RP1: variants seen among roughly 807,000 people sequenced by gnomAD.
RP1 encodes RP1 axonemal microtubule associated.
Under a neutral mutation model 14.8 loss-of-function variants are expected in RP1, and 16 were observed. That is an observed-to-expected ratio of 1.08 (90% CI 0.73 to 1.65). The LOEUF is 1.65. Ranked by LOEUF, RP1 falls within the 40% of genes most tolerant of loss-of-function variation. The pLI is 0.00. For missense variants in RP1, 2,631 were observed against 2,535.0 expected (o/e 1.04, Z -0.81); for synonymous variants, 876 against 883.6 (o/e 0.99, Z 0.15).
At chr8:54,585,394 G>T (rs1439865009) in intron 1 of RP1, among the ~76,000 whole-genome samples, 1 of 152,142 alleles carries the variant, frequency 6.6e-6, no homozygotes, top group Non-Finnish European at 1.5e-5. Context: ...TTCCCTTTGT[G>T]GGTGACCCGA....
At chr8:54,649,263 C>A (rs1049589554) in intron 4 of RP1, 1 of 799,234 alleles carries the variant, frequency 1.3e-6, no homozygotes. Context: ...GAAGATCATT[C>A]AAAAATAATT....
At chr8:54,858,836 G>C (rs746435869) in intron 27 of RP1, among the ~76,000 whole-genome samples, 81 of 152,182 alleles carry the variant, frequency 5.3e-4, no homozygotes, top group Non-Finnish European at 1.1e-3. Flanking sequence ...GTAGAGCAGT[G>C]CTGCTGTAGA....
rs781249059 is a variant in RP1, at chr8:54,621,418, G to GC, written c.458dup (p.Arg154ThrfsTer75). The GC allele has an allele frequency of 1.9e-6, 3 of 1,612,976 alleles. No homozygotes were observed. Among genetic ancestry groups the GC allele is most frequent in the Admixed American group, 3.3e-5 (2 of 59,986 alleles). ...GCCGTCGCTGCTCCCGGCATGCCCC[G>GC]CCCCCCACGGAGCCTAGTGGTCTTC... On this transcript the variant is annotated frameshift_variant, in exon 2 of 4. Coordinates refer to ENST00000220676, the MANE Select transcript of RP1 (RefSeq NM_006269.2). LOFTEE classifies it high-confidence loss of function.
chr8:54,753,784 A>G (rs899214956), intron 19 of RP1, among the ~76,000 whole-genome samples: 2 of 152,148 alleles, frequency 1.3e-5, no homozygotes, highest in Non-Finnish European at 1.5e-5. Flanking sequence ...TTCTGTTTTA[A>G]AATAGTCTCT....
At chr8:54,748,059 T>C (rs1809271355) in intron 19 of RP1, among the ~76,000 whole-genome samples, 1 of 152,200 alleles carries the variant, frequency 6.6e-6, no homozygotes, top group South Asian at 2.1e-4. Flanking sequence ...GGGTCATAGG[T>C]TTTGGTGAAT....
chr8:54,721,405 G>A (rs1254274365), intron 16 of RP1, among the ~76,000 whole-genome samples: 3 of 152,224 alleles, frequency 2.0e-5, no homozygotes, highest in African/African-American at 7.2e-5. Flanking sequence ...TAGAAAAAGA[G>A]CAGTGGGAAA....
intron 24 of RP1, among the ~76,000 whole-genome samples, chr8:54,834,686 T>C (rs1277331568): frequency 1.3e-5 from 2 of 151,754 alleles, no homozygotes; most frequent in Non-Finnish European, 2.9e-5. Context: ...TTTTTTTTTT[T>C]CCTGTGGTGT....
intron 26 of RP1, among the ~76,000 whole-genome samples, chr8:54,853,087 T>G (rs113626261): frequency 0.013 from 1,945 of 152,068 alleles, 50 homozygotes; most frequent in African/African-American, 0.044. Flanking sequence ...TGGAGAGAAA[T>G]AAAGTGCAGA....
intron 22 of RP1, among the ~76,000 whole-genome samples, chr8:54,763,536 C>A (rs576616874): frequency 6.6e-6 from 1 of 152,024 alleles, no homozygotes; most frequent in African/African-American, 2.4e-5. Flanking sequence ...CAAAATTAGC[C>A]GGGCATGGTG....
At chr8:54,793,118 C>T (rs1038001038) in intron 24 of RP1, among the ~76,000 whole-genome samples, 1 of 151,582 alleles carries the variant, frequency 6.6e-6, no homozygotes, top group African/African-American at 2.4e-5. Context: ...AACATACAAC[C>T]TAAAAAGATT....
chr8:54,613,829 A>G (rs1427617142), upstream of RP1, among the ~76,000 whole-genome samples: 1 of 152,222 alleles, frequency 6.6e-6, no homozygotes, highest in Non-Finnish European at 1.5e-5. Flanking sequence ...AATCAAAACT[A>G]CAGAGTAAGA....
chr8:54,697,133 G>A, intron 12 of RP1: 2 of 1,184,492 alleles, frequency 1.7e-6, no homozygotes, highest in Non-Finnish European at 2.5e-6. Context: ...CTAGACCTAG[G>A]TGCCGAACAG....
rs1806109030 is a variant in RP1, at chr8:54,627,678, A to C, written c.3796A>C (p.Lys1266Gln). 6.2e-7 allele frequency: 1 copy of C among 1,614,178 alleles called. No homozygotes were observed. The highest frequency in any genetic ancestry group is 8.5e-7 in the Non-Finnish European group (1 of 1,179,986). ...TCCATGTGAGATGTGCACTGTAAAT[A>C]AGGCTTATTCTCCAAAAGAGACATG... ...CSPCEMCTVN[K>Q]AYSPKETCNP... Residue 1266 changes from lysine to glutamine, a missense_variant, in exon 4 of 4, where the codon AAG becomes CAG. Coordinates refer to ENST00000220676, the MANE Select transcript of RP1 (RefSeq NM_006269.2).
At chr8:54,679,465 G>A in exon 10 of RP1, 1 of 1,535,940 alleles carries the variant, frequency 6.5e-7, no homozygotes, top group Non-Finnish European at 8.7e-7. Flanking sequence ...TCAGAGAACT[G>A]TATGCCAGGG....
At chr8:54,765,753 A>T (rs1320273859) in intron 22 of RP1, among the ~76,000 whole-genome samples, 1 of 152,162 alleles carries the variant, frequency 6.6e-6, no homozygotes, top group Non-Finnish European at 1.5e-5. Flanking sequence ...CATGCCATGA[A>T]GCTTTCTCTG....
chr8:54,772,453 C>T (rs2129375672), downstream of RP1, among the ~76,000 whole-genome samples: 1 of 152,222 alleles, frequency 6.6e-6, no homozygotes, highest in Middle Eastern at 3.4e-3. Context: ...TGAATAACGA[C>T]ACCTTTTATT....
chr8:54,703,387 A>G (rs1808072981), intron 14 of RP1, among the ~76,000 whole-genome samples: 1 of 152,166 alleles, frequency 6.6e-6, no homozygotes, highest in African/African-American at 2.4e-5. Context: ...GTACATTGTC[A>G]ATGAATAGTT....
At chr8:54,857,728 C>T (rs951853097) in intron 27 of RP1, among the ~76,000 whole-genome samples, 2 of 152,048 alleles carry the variant, frequency 1.3e-5, no homozygotes, top group Non-Finnish European at 2.9e-5. Context: ...CCCTGTGTTT[C>T]CCTGGGTCCC....
At chr8:54,619,670 G>C (rs1313199297) in intron 1 of RP1, among the ~76,000 whole-genome samples, 1 of 152,170 alleles carries the variant, frequency 6.6e-6, no homozygotes, top group African/African-American at 2.4e-5. Context: ...CTACTAGTGG[G>C]ACCAGTAACC....
Sources: gnomAD v4.1 joint callset for allele counts (sites outside exome capture counted in the v4.1 genomes callset) on GRCh38, gnomAD v4.1.1 for gene constraint, MANE v1.5 for transcripts, NCBI Gene and HGNC (gene_info 2026-07-23, HGNC 2026-07-21) for gene names.